CNST: variants seen among roughly 807,000 people sequenced by gnomAD.
The protein encoded by CNST is consortin, connexin sorting protein.
Under a neutral mutation model 72.4 loss-of-function variants are expected in CNST, and 39 were observed. That is an observed-to-expected ratio of 0.54 (90% confidence interval 0.42 to 0.70). The LOEUF (loss-of-function observed/expected upper bound fraction) is 0.70. Among genes scored for constraint, CNST ranks in the 30% least tolerant of loss-of-function variants. The pLI is 0.00. For missense variants in CNST, 871 were observed against 868.5 expected (o/e 1.00, Z -0.04); for synonymous variants, 332 against 320.1 (o/e 1.04, Z -0.40).
intron 1 of CNST, among the ~76,000 whole-genome samples, chr1:246,581,709 A>G (rs139845801): frequency 2.7e-3 from 404 of 152,388 alleles, no homozygotes; most frequent in African/African-American, 9.1e-3. Context: ...TACAAAAGCA[A>G]TATAAGTAAA....
intron 2 of CNST, among the ~76,000 whole-genome samples, chr1:246,609,754 A>G (rs1663176966): frequency 6.6e-6 from 1 of 152,230 alleles, no homozygotes; most frequent in South Asian, 2.1e-4. Flanking sequence ...AATTATGCCC[A>G]AGATATGCAT....
chr1:246,643,625 A>G (rs1039501357), intron 8 of CNST, among the ~76,000 whole-genome samples: 2 of 152,162 alleles, frequency 1.3e-5, no homozygotes, highest in Admixed American at 1.3e-4. Context: ...TCCCATTTCT[A>G]ATTGAACGCA....
chr1:246,653,923 G>A (rs1013238352), intron 9 of CNST, among the ~76,000 whole-genome samples: 1 of 152,202 alleles, frequency 6.6e-6, no homozygotes, highest in African/African-American at 2.4e-5. Context: ...TGAGTTAGGT[G>A]TAGAGTGATA....
chr1:246,601,788 C>CA, intron 2 of CNST, among the ~76,000 whole-genome samples: 2 of 152,222 alleles, frequency 1.3e-5, no homozygotes, highest in Middle Eastern at 6.8e-3. Flanking sequence ...GAGCGAAACT[C>CA]AGTCTCAAAA....
At chr1:246,575,085 T>C (rs1008856854) in intron 1 of CNST, among the ~76,000 whole-genome samples, 1 of 152,000 alleles carries the variant, frequency 6.6e-6, no homozygotes, top group Non-Finnish European at 1.5e-5. Context: ...AGCCTCCACC[T>C]CCCGGGTTCA....
At chr1:246,600,806 T>C (rs769440922) in intron 2 of CNST, among the ~76,000 whole-genome samples, 44 of 152,282 alleles carry the variant, frequency 2.9e-4, no homozygotes, top group Non-Finnish European at 5.6e-4. Flanking sequence ...TGGCTAGAGA[T>C]ACAGATTTGG....
intron 2 of CNST, among the ~76,000 whole-genome samples, chr1:246,612,568 T>C (rs1330914315): frequency 1.3e-5 from 2 of 152,122 alleles, no homozygotes; most frequent in South Asian, 2.1e-4. Context: ...TTTTGTGTTA[T>C]GTTTTTTTAA....
intron 6 of CNST, among the ~76,000 whole-genome samples, chr1:246,636,969 G>A (rs933028733): frequency 2.6e-5 from 4 of 152,182 alleles, no homozygotes; most frequent in African/African-American, 9.7e-5. Flanking sequence ...TATAAGGATC[G>A]TGGTGAGGGA....
chr1:246,623,791 G>A (rs1173527468), intron 3 of CNST, among the ~76,000 whole-genome samples: 7 of 150,312 alleles, frequency 4.7e-5, no homozygotes, highest in East Asian at 2.0e-4. Flanking sequence ...GGCCAGGCGC[G>A]GTAGCTCATA....
chr1:246,661,751 T>G (rs1667116680), intron 10 of CNST, among the ~76,000 whole-genome samples: 1 of 152,174 alleles, frequency 6.6e-6, no homozygotes, highest in Non-Finnish European at 1.5e-5. Context: ...AACTGCATTG[T>G]TAAAATAACA....
chr1:246,574,581 A>G (rs560736041), intron 1 of CNST, among the ~76,000 whole-genome samples: 4 of 147,216 alleles, frequency 2.7e-5, no homozygotes, highest in Admixed American at 6.8e-5. Context: ...ATGCAGTCTA[A>G]TTTTTTTTTT....
Position 246,647,881 on chromosome 1 carries a change from A to G in CNST, c.1680A>G (p.Glu560=). 1 of 1,614,152 alleles carries G rather than the reference A, an allele frequency of 6.2e-7. No individual in the cohort carries two copies. The highest frequency in any genetic ancestry group is 8.5e-7 in the Non-Finnish European group (1 of 1,180,036). The change falls in exon 9 of 11, where the codon GAA becomes GAG. Residue 560 remains glutamate, a synonymous_variant. Transcript: ENST00000366513. The part of the protein sequence containing the change: ...SLLEGCLKDT[E]DSLSYEDNQD... ...TAGAAGGATGTTTAAAAGATACTGA[A>G]GATTCCCTTTCCTATGAAGATAACC...
intron 2 of CNST, among the ~76,000 whole-genome samples, chr1:246,617,264 G>A (rs1191450824): frequency 1.3e-5 from 2 of 152,160 alleles, no homozygotes; most frequent in Non-Finnish European, 2.9e-5. Flanking sequence ...GCTCAATGAT[G>A]TTCAAACCTA....
At chr1:246,599,176 GAA>G (rs80319670) in intron 2 of CNST, among the ~76,000 whole-genome samples, 12 of 109,418 alleles carry the variant, frequency 1.1e-4, no homozygotes, top group African/African-American at 3.9e-4. Flanking sequence ...ACTGTCTTAG[GAA>G]AAAAAAAAAA....
intron 9 of CNST, among the ~76,000 whole-genome samples, chr1:246,652,831 C>G (rs575014206): frequency 6.7e-6 from 1 of 148,844 alleles, no homozygotes; most frequent in Non-Finnish European, 1.5e-5. Flanking sequence ...GGTGAAACCC[C>G]GTCTCTACTA....
chr1:246,658,694 C>T (rs568701048), intron 9 of CNST, among the ~76,000 whole-genome samples: 100 of 152,352 alleles, frequency 6.6e-4, no homozygotes, highest in Non-Finnish European at 7.3e-5. Context: ...AGGCCATCCT[C>T]AGCTTAGTCA....
chr1:246,616,445 C>T (rs1324668628), intron 2 of CNST, among the ~76,000 whole-genome samples: 1 of 152,132 alleles, frequency 6.6e-6, no homozygotes, highest in African/African-American at 2.4e-5. Context: ...GTGGTTCCAG[C>T]TACTCGGGAC....
At chr1:246,659,092 G>A (rs933143403) in intron 9 of CNST, among the ~76,000 whole-genome samples, 6 of 152,220 alleles carry the variant, frequency 3.9e-5, no homozygotes, top group African/African-American at 1.4e-4. Context: ...TTAGGCAGCA[G>A]ACTTTTTCTA....
chr1:246,591,661 T>A lies in CNST; in HGVS notation c.99T>A (p.Pro33=). Residue 33 remains proline, a synonymous_variant, in exon 2 of 11, where the codon CCT becomes CCA. Transcript: ENST00000366513. ...DSVERSVTCL[P]SASDENENQL... The stretch of plus-strand genomic sequence containing the variant: ...TGGAAAGGAGTGTGACCTGTCTGCC[T>A]TCTGCATCAGATGAAAATGAAAATC... The A allele has an allele frequency of 6.2e-7, 1 of 1,614,218 alleles. No individual in the cohort carries two copies. The highest frequency in any genetic ancestry group is 8.5e-7 in the Non-Finnish European group (1 of 1,180,042).
Sources: gnomAD v4.1 joint callset for allele counts (sites outside exome capture counted in the v4.1 genomes callset) on GRCh38, gnomAD v4.1.1 for gene constraint, MANE v1.5 for transcripts, NCBI Gene and HGNC (gene_info 2026-07-23, HGNC 2026-07-21) for gene names.